Variants in CDYL observed in about 807,000 individuals in gnomAD.
CDYL encodes the protein chromodomain Y-like protein.
In CDYL, 8 loss-of-function variants were observed where a neutral mutation model predicts 47.3. The observed-to-expected ratio is 0.17, with a 90% CI of 0.10 to 0.31. CDYL has a LOEUF of 0.31. Among genes scored for constraint, CDYL ranks in the 10% least tolerant of loss-of-function variants. The pLI is 1.00. For synonymous variants in CDYL, 266 were observed against 265.0 expected (o/e 1.00, Z -0.04); for missense variants, 471 against 701.4 (o/e 0.67, Z 3.71).
At position 4,716,405 on chromosome 6, in the gene CDYL, CTAAA is replaced by C. The variant is rs142744897; in HGVS notation, c.103+530_103+533del. ...TCTTTAAATCTCCTATCTGGCTTCCCTAAATAAATTTTTTGTAGCCAGAACTTCC... is the reference window on the plus strand; with the variant it reads ...TCTTTAAATCTCCTATCTGGCTTCCCTAAATTTTTTGTAGCCAGAACTTCC... On this transcript the variant is annotated intron_variant, in intron 2 of 8. Coordinates refer to the CDYL transcript ENST00000328908. Among the ~76,000 whole-genome samples, 942 of 152,246 alleles carry C rather than the reference CTAAA, an allele frequency of 6.2e-3. 10 individuals carry two copies. Among genetic ancestry groups the C allele is most frequent in the African/African-American group, 0.021 (885 of 41,552 alleles).
rs1365852947 is a variant in CDYL at position 4,803,529 on chromosome 6, A to G, written c.24+26722A>G. Among the ~76,000 whole-genome samples the G allele has an allele frequency of 3.9e-5, 6 of 152,286 alleles. No individual in the cohort carries two copies. In the South Asian group the frequency reaches 1.0e-3, roughly 26 times the overall value. On this transcript the variant is annotated intron_variant, in intron 1 of 6. Transcript: ENST00000397588. Reference sequence around the variant, plus strand: ...CAGGATTCTCTCACCAACTTTCTCCAGTAACAGGATTGACAGACGATAGAC... The same window carrying G: ...CAGGATTCTCTCACCAACTTTCTCCGGTAACAGGATTGACAGACGATAGAC...
At chr6:4,783,999 TCTTTGTCTTTTAC>T (rs1359423875) in intron 1 of CDYL, among the ~76,000 whole-genome samples, 3 of 152,164 alleles carry the variant, frequency 2.0e-5, no homozygotes, top group African/African-American at 7.2e-5. Context: ...CATTCTCTCT[TCTTTGTCTTTTAC>T]CTTTTCATTT....
At chr6:4,826,270 A>G (rs1300120735) in intron 1 of CDYL, among the ~76,000 whole-genome samples, 1 of 151,968 alleles carries the variant, frequency 6.6e-6, no homozygotes, top group Non-Finnish European at 1.5e-5. Flanking sequence ...TGTCCAGCTA[A>G]TGGTTTCTCA....
In CDYL at chr6:4,776,745, C is replaced by T. The variant is rs1317501847; in HGVS notation, c.-39C>T. On this transcript the variant is annotated 5_prime_UTR_variant, in exon 1 of 7. Transcript: ENST00000397588. ...CGGCCGCCCGGCGCCGGCGCCCGCC[C>T]CGACCCTGCCCCTCCCGCCCGCAAC... 3.2e-6 allele frequency: 4 copies of T among 1,256,520 alleles called. No homozygotes were observed. Among genetic ancestry groups the T allele is most frequent in the East Asian group, 5.0e-5 (1 of 20,144 alleles). 77.8% of individuals were successfully genotyped at this position (1,256,520 alleles called of 1,614,324 possible). A position where few individuals can be genotyped will look rare whatever the true frequency, so the allele number is the denominator to read the frequency against.
intron 2 of CDYL, among the ~76,000 whole-genome samples, chr6:4,725,431 G>T (rs1423712886): frequency 6.6e-6 from 1 of 152,236 alleles, no homozygotes; most frequent in Non-Finnish European, 1.5e-5. Flanking sequence ...CAGCGAGGTG[G>T]GGAGGCTCAG....
rs1028892779 is a variant in CDYL, at chr6:4,898,196, T to G, written c.691+5817T>G. ...ATGGTTGCACCACTACACTCCAGCC[T>G]ATTCCACAGAGCAAGACCCTGTCTC... On this transcript the variant is annotated intron_variant, in intron 2 of 6. Coordinates refer to ENST00000397588, the MANE Select transcript of CDYL (RefSeq NM_004824.4). 2.0e-5 allele frequency among the ~76,000 whole-genome samples: 3 copies of G among 148,708 alleles called. No homozygotes were observed. In the Admixed American group the frequency reaches 2.1e-4, roughly 10 times the overall value.
Position 4,943,764 on chromosome 6 carries a change from C to T in CDYL, c.1332+8C>T. On this transcript the variant is annotated splice_region_variant and intron_variant, in intron 5 of 6. Coordinates refer to ENST00000397588, the MANE Select transcript of CDYL (RefSeq NM_004824.4). ...ATAATGGGAGGAGCATCTGTGAGTA[C>T]CTTTTTAAAAAAAAAAAAAAAAAGT... is the stretch of plus-strand genomic sequence containing the variant. The T allele has an allele frequency of 7.7e-7, 1 of 1,306,114 alleles. No homozygotes were observed. Among genetic ancestry groups the T allele is most frequent in the Non-Finnish European group, 1.0e-6 (1 of 976,526 alleles). The allele number at this position is 1,306,114 out of a possible 1,614,324, so 80.9% of individuals were successfully genotyped here.
At chr6:4,835,432 G>A (rs540378432) in intron 1 of CDYL, among the ~76,000 whole-genome samples, 3 of 152,220 alleles carry the variant, frequency 2.0e-5, no homozygotes, top group Non-Finnish European at 4.4e-5. Context: ...TCCCCTGGAA[G>A]TTTTGTCTCA....
At chr6:4,749,467 GA>G (rs1757954503) in intron 3 of CDYL, among the ~76,000 whole-genome samples, 1 of 151,636 alleles carries the variant, frequency 6.6e-6, no homozygotes, top group Non-Finnish European at 1.5e-5. Context: ...ATATGTGATG[GA>G]TGGATGGATG....
intron 1 of CDYL, among the ~76,000 whole-genome samples, chr6:4,858,603 T>C (rs1035245823): frequency 5.3e-5 from 8 of 152,234 alleles, no homozygotes; most frequent in African/African-American, 1.9e-4. Flanking sequence ...CTGGCATGCT[T>C]ATTCATCTTG....
chr6:4,785,377 G>A (rs1269096842), intron 1 of CDYL, among the ~76,000 whole-genome samples: 2 of 152,094 alleles, frequency 1.3e-5, no homozygotes, highest in Admixed American at 6.5e-5. Flanking sequence ...TTTACTTTTT[G>A]TCTTATTTCC....
chr6:4,930,405 G>C (rs1331199593), intron 2 of CDYL, among the ~76,000 whole-genome samples: 1 of 152,160 alleles, frequency 6.6e-6, no homozygotes, highest in African/African-American at 2.4e-5. Flanking sequence ...TCTGTTCTAA[G>C]ACAGCATTTT....
intron 2 of CDYL, among the ~76,000 whole-genome samples, chr6:4,900,779 G>GTGTGTGTGTGTGTGTA: frequency 1.2e-4 from 6 of 51,704 alleles, no homozygotes; most frequent in African/African-American, 3.8e-4. Flanking sequence ...GTATACGTGT[G>GTGTGTGTGTGTGTGTA]TATATATATA....
chr6:4,716,265 T>A lies in CDYL; in HGVS notation c.103+384T>A, dbSNP rs187084925. 2.2e-3 allele frequency among the ~76,000 whole-genome samples: 339 copies of A among 151,358 alleles called. 1 individual carries two copies. The highest frequency in any genetic ancestry group is 7.8e-3 in the African/African-American group (322 of 41,214). ...CCATCTCAAAAAAAAAAAAAAAGAC[T>A]TTACCAATATGTAGTCAGAAATTGT... On this transcript the variant is annotated intron_variant, in intron 2 of 8. Coordinates refer to the CDYL transcript ENST00000328908.
intron 1 of CDYL, among the ~76,000 whole-genome samples, chr6:4,833,718 T>G (rs566119000): frequency 0.093 from 13,865 of 149,858 alleles, 2,207 homozygotes; most frequent in African/African-American, 0.33. Flanking sequence ...AAGTCTCTTT[T>G]TAGATCACTC....
intron 2 of CDYL, among the ~76,000 whole-genome samples, chr6:4,719,082 C>T (rs972990906): frequency 2.0e-5 from 3 of 152,138 alleles, no homozygotes; most frequent in African/African-American, 7.2e-5. Context: ...CACCACCACA[C>T]CTGGCTAATT....
chr6:4,915,549 C>G (rs1219242912), intron 2 of CDYL, among the ~76,000 whole-genome samples: 1 of 152,140 alleles, frequency 6.6e-6, no homozygotes, highest in African/African-American at 2.4e-5. Context: ...ACACAACTGA[C>G]TAGCATTAAC....
intron 2 of CDYL, chr6:4,734,725 C>T: frequency 1.2e-6 from 2 of 1,611,684 alleles, no homozygotes; most frequent in African/African-American, 2.7e-5. Context: ...AGGATGGGTC[C>T]ACCTCTCTCA....
chr6:4,832,248 C>A (rs926042966), intron 1 of CDYL, among the ~76,000 whole-genome samples: 6 of 152,034 alleles, frequency 3.9e-5, no homozygotes, highest in Non-Finnish European at 7.4e-5. Context: ...GAGATAAGTC[C>A]CATCAATACC....
Sources: gnomAD v4.1 joint callset for allele counts (sites outside exome capture counted in the v4.1 genomes callset) on GRCh38, gnomAD v4.1.1 for gene constraint, MANE v1.5 for transcripts, NCBI Gene and HGNC (gene_info 2026-07-23, HGNC 2026-07-21) for gene names.